The following NEDD4L variants were observed in gnomAD, a reference collection of about 807,000 sequenced individuals.
NEDD4L encodes the protein NEDD4 like E3 ubiquitin protein ligase.
NEDD4L carries 54 observed loss-of-function variants against 148.9 expected under a neutral mutation model. The ratio of observed to expected loss-of-function variants is 0.36; its 90% CI spans 0.29 to 0.45. NEDD4L has a LOEUF of 0.45. NEDD4L is among the 20% of genes least tolerant of loss of function. The probability of loss-of-function intolerance (pLI) is 1.00; values close to 1 mark genes in which losing one functional copy is unlikely to be tolerated. For synonymous variants in NEDD4L, 433 were observed against 440.7 expected, an observed-to-expected ratio of 0.98 and a Z score of 0.22; for missense variants, 856 against 1,233.8, an observed-to-expected ratio of 0.69 and a Z score of 4.59.
intron 27 of NEDD4L, chr18:58,388,427 T>C (rs1446761341): frequency 1.3e-5 from 2 of 152,302 alleles, no homozygotes; most frequent in East Asian, 3.8e-4. Context: ...CTAGGAACTT[T>C]ATTTCCAGGC....
intron 19 of NEDD4L, among the ~76,000 whole-genome samples, chr18:58,358,988 T>C (rs1262576837): frequency 1.3e-5 from 2 of 152,226 alleles, no homozygotes; most frequent in Non-Finnish European, 2.9e-5. Flanking sequence ...TCACTTTTTG[T>C]AAATGTTCTT....
intron 1 of NEDD4L, among the ~76,000 whole-genome samples, chr18:58,105,432 G>A (rs1345344162): frequency 6.6e-6 from 1 of 152,070 alleles, no homozygotes; most frequent in East Asian, 1.9e-4. Context: ...AGTCATTCTC[G>A]AGACTCCTGT....
chr18:58,281,048 G>A (rs2052987335), intron 5 of NEDD4L, among the ~76,000 whole-genome samples: 2 of 151,932 alleles, frequency 1.3e-5, no homozygotes. Context: ...TGCAATCATG[G>A]CTCACTGCAG....
chr18:58,254,382 T>C (rs935353849), intron 5 of NEDD4L, among the ~76,000 whole-genome samples: 7 of 152,184 alleles, frequency 4.6e-5, no homozygotes, highest in African/African-American at 1.7e-4. Context: ...ACAAATCTGA[T>C]GACAGTTTTT....
intron 1 of NEDD4L, among the ~76,000 whole-genome samples, chr18:58,047,892 A>G (rs2081660965): frequency 6.6e-6 from 1 of 152,196 alleles, no homozygotes; most frequent in African/African-American, 2.4e-5. Flanking sequence ...CTTTTATTCC[A>G]TTTTAGAAAG....
intron 5 of NEDD4L, among the ~76,000 whole-genome samples, chr18:58,297,391 C>G (rs139673790): frequency 6.6e-6 from 1 of 152,164 alleles, no homozygotes; most frequent in Non-Finnish European, 1.5e-5. Flanking sequence ...GAACATACTA[C>G]GTGTTGATGC....
intron 5 of NEDD4L, among the ~76,000 whole-genome samples, chr18:58,315,147 G>A (rs570670535): frequency 3.7e-4 from 56 of 152,152 alleles, no homozygotes; most frequent in African/African-American, 1.3e-3. Context: ...ATATGAGAGC[G>A]GCAAATAGTC....
At chr18:58,224,155 T>C (rs963856642) in intron 2 of NEDD4L, among the ~76,000 whole-genome samples, 1 of 152,228 alleles carries the variant, frequency 6.6e-6, no homozygotes, top group African/African-American at 2.4e-5. Context: ...TAAGCTGTCT[T>C]GTTCACTTCA....
At chr18:58,340,914 C>T (rs1402849137) in intron 13 of NEDD4L, 124 bp from the exon 14 acceptor site, 2 of 971,660 alleles carry the variant, frequency 2.1e-6, no homozygotes, top group Non-Finnish European at 3.0e-6. Context: ...TAAGTGTTTT[C>T]TATATAAATA....
At chr18:58,300,573 G>A (rs1445130930) in intron 5 of NEDD4L, among the ~76,000 whole-genome samples, 2 of 152,238 alleles carry the variant, frequency 1.3e-5, no homozygotes, top group Non-Finnish European at 2.9e-5. Context: ...ACGGAGCCAT[G>A]CTCTTTTTGC....
chr18:58,076,551 TA>T (rs2083168153), intron 1 of NEDD4L, among the ~76,000 whole-genome samples: 1 of 152,306 alleles, frequency 6.6e-6, no homozygotes, highest in African/African-American at 2.4e-5. Context: ...AAAGACTTTT[TA>T]AAAATCCTGT....
Position 58,400,837 on chromosome 18 carries a change from A to C in NEDD4L, c.*4568A>C, listed in dbSNP as rs1222777984. ...TCAGACTGATTTCACCTAGATTGTC[A>C]CGGTTTCCTTCATGTTAACTTTGCG... is the stretch of plus-strand genomic sequence containing the variant. On this transcript the variant is annotated 3_prime_UTR_variant, in exon 31 of 31. Coordinates refer to ENST00000400345, the MANE Select transcript of NEDD4L (RefSeq NM_001144967.3). The C allele has an allele frequency of 6.6e-6, 1 of 152,200 alleles. No individual in the cohort carries two copies. Among genetic ancestry groups the C allele is most frequent in the Non-Finnish European group, 1.5e-5 (1 of 68,044 alleles). 9.4% of individuals were successfully genotyped at this position (152,200 alleles called of 1,614,324 possible).
chr18:58,295,948 A>G (rs149465258), intron 5 of NEDD4L, among the ~76,000 whole-genome samples: 164 of 152,192 alleles, frequency 1.1e-3, no homozygotes, highest in Non-Finnish European at 1.9e-3. Context: ...GTGAAACAGT[A>G]TTTCATTTTT....
intron 1 of NEDD4L, among the ~76,000 whole-genome samples, chr18:58,142,802 A>T (rs1328823263): frequency 6.6e-6 from 1 of 152,072 alleles, no homozygotes; most frequent in Non-Finnish European, 1.5e-5. Flanking sequence ...AAAGCAGCTT[A>T]AAAATTGCAG....
intron 2 of NEDD4L, among the ~76,000 whole-genome samples, chr18:58,224,280 A>T (rs1382466994): frequency 6.6e-6 from 1 of 152,200 alleles, no homozygotes; most frequent in Non-Finnish European, 1.5e-5. Flanking sequence ...TCATTTGGTC[A>T]TAGATTCTTG....
chr18:58,056,103 A>G (rs2082075193), intron 1 of NEDD4L, among the ~76,000 whole-genome samples: 1 of 152,220 alleles, frequency 6.6e-6, no homozygotes, highest in Non-Finnish European at 1.5e-5. Flanking sequence ...CTTCCCAAAC[A>G]GAAGGGAGGA....
rs146948031 is a variant in NEDD4L, at chr18:58,306,913, C to T, written c.298-9069C>T. 9.2e-5 allele frequency among the ~76,000 whole-genome samples: 14 copies of T among 152,310 alleles called. No individual in the cohort carries two copies. In the East Asian group the frequency reaches 1.7e-3, roughly 19 times the overall value. On this transcript the variant is annotated intron_variant, in intron 5 of 30. Transcript: ENST00000400345. ...CTTCCCAAAGTGCTGGGATTACAGGCGTGAGCCACCATGCCCAGGCAAGTT... is the reference window on the plus strand; with the variant it reads ...CTTCCCAAAGTGCTGGGATTACAGGTGTGAGCCACCATGCCCAGGCAAGTT...
At chr18:58,190,156 A>G (rs2039948116) in intron 2 of NEDD4L, among the ~76,000 whole-genome samples, 1 of 152,246 alleles carries the variant, frequency 6.6e-6, no homozygotes, top group Non-Finnish European at 1.5e-5. Context: ...CAAAGTATCA[A>G]ATACATAGAA....
chr18:58,183,522 C>T (rs893095946), intron 2 of NEDD4L, among the ~76,000 whole-genome samples: 1 of 152,196 alleles, frequency 6.6e-6, no homozygotes. Context: ...CTAGGTAGAA[C>T]AAACACTCTT....
Sources: allele counts gnomAD v4.1 joint callset (sites outside exome capture counted in the v4.1 genomes callset), GRCh38; gene constraint gnomAD v4.1.1; transcripts MANE v1.5; gene names NCBI Gene and HGNC (gene_info 2026-07-23, HGNC 2026-07-21).